The following MACROD2 variants were observed in gnomAD, a reference collection of about 807,000 sequenced individuals.
The protein encoded by MACROD2 is mono-ADP ribosylhydrolase 2, also known as ADP-ribose glycohydrolase MACROD2.
A neutral mutation model predicts 70.4 loss-of-function variants in MACROD2; 36 were observed. The ratio of observed to expected loss-of-function variants is 0.51; its 90% CI spans 0.39 to 0.68. The LOEUF (loss-of-function observed/expected upper bound fraction) is 0.68, where lower values mean the gene tolerates loss of function less well. Among genes scored for constraint, MACROD2 ranks in the 30% least tolerant of loss-of-function variants. The pLI is 0.00. For missense variants in MACROD2, 496 were observed against 538.4 expected (o/e 0.92, Z 0.78); for synonymous variants, 172 against 178.8 (o/e 0.96, Z 0.30).
intron 3 of MACROD2, among the ~76,000 whole-genome samples, chr20:14,450,874 T>A (rs2122985034): frequency 6.6e-6 from 1 of 152,084 alleles, no homozygotes; most frequent in Non-Finnish European, 1.5e-5. Context: ...AATGAAGAGA[T>A]GGTTACACTA....
intron 8 of MACROD2, among the ~76,000 whole-genome samples, chr20:15,714,243 A>G (rs2050675162): frequency 6.6e-6 from 1 of 152,196 alleles, no homozygotes; most frequent in Non-Finnish European, 1.5e-5. Flanking sequence ...GTAGATCTGT[A>G]AGGTTTCTCT....
intron 15 of MACROD2, among the ~76,000 whole-genome samples, chr20:16,028,241 T>A (rs530403964): frequency 6.6e-6 from 1 of 152,362 alleles, no homozygotes; most frequent in East Asian, 1.9e-4. Flanking sequence ...GCTTGGTTCA[T>A]ATGACAGTGC....
intron 3 of MACROD2, among the ~76,000 whole-genome samples, chr20:14,455,368 G>A (rs2084289764): frequency 6.6e-6 from 1 of 151,848 alleles, no homozygotes; most frequent in African/African-American, 2.4e-5. Flanking sequence ...TTTGTAGCAG[G>A]AGATCCTGAA....
At chr20:16,010,474 A>G (rs1022183266) in intron 15 of MACROD2, among the ~76,000 whole-genome samples, 1 of 152,212 alleles carries the variant, frequency 6.6e-6, no homozygotes, top group Non-Finnish European at 1.5e-5. Context: ...TCTAGAATTT[A>G]TATTTTGTAC....
intron 6 of MACROD2, among the ~76,000 whole-genome samples, chr20:15,410,517 T>C (rs1188393985): frequency 6.6e-6 from 1 of 152,160 alleles, no homozygotes; most frequent in Non-Finnish European, 1.5e-5. Flanking sequence ...CCATCAACAG[T>C]CATCAAGTCC....
At chr20:16,004,356 T>A (rs2066757716) in intron 15 of MACROD2, among the ~76,000 whole-genome samples, 1 of 152,116 alleles carries the variant, frequency 6.6e-6, no homozygotes, top group Non-Finnish European at 1.5e-5. Flanking sequence ...AAGGACTGTG[T>A]TTGTTTATTG....
chr20:14,925,807 C>A (rs2074223693), intron 5 of MACROD2, among the ~76,000 whole-genome samples: 2 of 152,116 alleles, frequency 1.3e-5, no homozygotes, highest in Admixed American at 1.3e-4. Flanking sequence ...AAATTATAAT[C>A]TCTAAACAAG....
chr20:15,564,347 G>A (rs1175455181), intron 8 of MACROD2, among the ~76,000 whole-genome samples: 1 of 152,130 alleles, frequency 6.6e-6, no homozygotes, highest in Non-Finnish European at 1.5e-5. Flanking sequence ...TATATGCTGA[G>A]GAAAATATGA....
chr20:15,060,749 C>G (rs559677183), intron 5 of MACROD2, among the ~76,000 whole-genome samples: 1 of 152,340 alleles, frequency 6.6e-6, no homozygotes, highest in Admixed American at 6.5e-5. Flanking sequence ...ATCAAAGTGT[C>G]TAGCTCTGCA....
At chr20:15,239,846 C>G (rs1370161111) in intron 6 of MACROD2, among the ~76,000 whole-genome samples, 5 of 152,208 alleles carry the variant, frequency 3.3e-5, no homozygotes, top group African/African-American at 7.2e-5. Flanking sequence ...TTTGAATGCT[C>G]TCTTTACCAT....
chr20:14,432,435 A>G (rs1213846335), intron 3 of MACROD2, among the ~76,000 whole-genome samples: 1 of 147,340 alleles, frequency 6.8e-6, no homozygotes, highest in South Asian at 2.1e-4. Flanking sequence ...TTTTTGCTGT[A>G]TATTCAATGC....
chr20:15,129,956 CT>C (rs2076093381), intron 5 of MACROD2, among the ~76,000 whole-genome samples: 1 of 152,088 alleles, frequency 6.6e-6, no homozygotes, highest in African/African-American at 2.4e-5. Context: ...GGTAGATGTT[CT>C]TAGGATGATC....
At chr20:15,095,188 T>A (rs2123176373) in intron 5 of MACROD2, among the ~76,000 whole-genome samples, 1 of 148,586 alleles carries the variant, frequency 6.7e-6, no homozygotes, top group Admixed American at 6.7e-5. Context: ...GCCATTCTCC[T>A]GCCTCAGCCT....
intron 8 of MACROD2, among the ~76,000 whole-genome samples, chr20:15,778,348 C>A (rs2051767674): frequency 6.6e-6 from 1 of 151,928 alleles, no homozygotes; most frequent in African/African-American, 2.4e-5. Context: ...AATAATATAC[C>A]AAAATACATT....
chr20:14,526,304 C>A (rs1353565762), intron 4 of MACROD2, among the ~76,000 whole-genome samples: 1 of 151,764 alleles, frequency 6.6e-6, no homozygotes, highest in African/African-American at 2.4e-5. Context: ...GTTTTCCTTT[C>A]TTTTCATAGT....
intron 5 of MACROD2, among the ~76,000 whole-genome samples, chr20:14,879,686 A>T (rs2073589050): frequency 6.6e-6 from 1 of 152,184 alleles, no homozygotes; most frequent in Non-Finnish European, 1.5e-5. Flanking sequence ...TGTTGAGTTA[A>T]TGGTGGCATA....
intron 3 of MACROD2, among the ~76,000 whole-genome samples, chr20:14,395,355 A>G (rs2876373): frequency 0.42 from 64,209 of 151,908 alleles, 13,666 homozygotes; most frequent in Admixed American, 0.48. Flanking sequence ...TGTCCAGTTC[A>G]TCTAATTTGT....
intron 8 of MACROD2, among the ~76,000 whole-genome samples, chr20:15,708,353 G>A (rs763859036): frequency 6.6e-6 from 1 of 152,106 alleles, no homozygotes; most frequent in Non-Finnish European, 1.5e-5. Flanking sequence ...CCAGGAGCCT[G>A]GGGATAGGGA....
chr20:15,904,511 G>C (rs2065113577), intron 10 of MACROD2, among the ~76,000 whole-genome samples: 1 of 151,886 alleles, frequency 6.6e-6, no homozygotes, highest in Admixed American at 6.6e-5. Context: ...TTTTTGTCTT[G>C]TTGCTTTTCA....
Sources: allele counts gnomAD v4.1 joint callset (sites outside exome capture counted in the v4.1 genomes callset), GRCh38; gene constraint gnomAD v4.1.1; transcripts MANE v1.5; gene names NCBI Gene and HGNC (gene_info 2026-07-23, HGNC 2026-07-21).